Variants in MED12L observed in about 807,000 individuals in gnomAD.
The protein encoded by MED12L is mediator complex subunit 12L, also known as mediator of RNA polymerase II transcription subunit 12-like protein.
Under a neutral mutation model 281.3 loss-of-function variants are expected in MED12L, and 60 were observed. The observed-to-expected ratio is 0.21, with a 90% CI of 0.17 to 0.26. The LOEUF is 0.26. MED12L is among the 10% of genes least tolerant of loss of function. MED12L has a pLI of 1.00. For missense variants in MED12L, 2,146 were observed against 2,680.9 expected, an observed-to-expected ratio of 0.80 and a Z score of 4.41; for synonymous variants, 974 against 987.2, an observed-to-expected ratio of 0.99 and a Z score of 0.25.
intron 16 of MED12L, among the ~76,000 whole-genome samples, chr3:151,309,905 T>C (rs1165443680): frequency 6.6e-6 from 1 of 151,816 alleles, no homozygotes; most frequent in African/African-American, 2.4e-5. Flanking sequence ...TTTTTAACAA[T>C]TTTTTTTTCT....
At chr3:151,258,889 A>G (rs931100866) in intron 16 of MED12L, among the ~76,000 whole-genome samples, 1 of 150,736 alleles carries the variant, frequency 6.6e-6, no homozygotes, top group Non-Finnish European at 1.5e-5. Context: ...TCCCTACTCT[A>G]AGGTAGAGGA....
intron 16 of MED12L, among the ~76,000 whole-genome samples, chr3:151,301,602 A>C (rs1248561929): frequency 6.6e-6 from 1 of 152,268 alleles, no homozygotes; most frequent in African/African-American, 2.4e-5. Flanking sequence ...AATTTAAAAA[A>C]GGTCAAAAGA....
intron 16 of MED12L, chr3:151,213,214 T>G (rs1727470653): frequency 1.0e-6 from 1 of 1,001,800 alleles, no homozygotes. Context: ...ATATTTATGA[T>G]GAGGGCACAT....
rs986364086 is a variant in MED12L, at chr3:151,393,506, AC to A, written c.5609-1143del. On this transcript the variant is annotated intron_variant, in intron 38 of 44. Coordinates refer to ENST00000687756, the MANE Select transcript of MED12L (RefSeq NM_001393769.1). ...TCTAGTTCTGTCCTGCTCCCCCACA[AC>A]CCCCCCTCCCACCGTAAAGATAAGC... Among the ~76,000 whole-genome samples, 4 of 143,428 alleles carry A rather than the reference AC, an allele frequency of 2.8e-5. No individual in the cohort carries two copies. In the South Asian group the frequency reaches 1.0e-3, roughly 37 times the overall value. 94.1% of individuals were successfully genotyped at this position (143,428 alleles called of 152,430 possible). A position where few individuals can be genotyped will look rare whatever the true frequency, so the allele number is the denominator to read the frequency against.
intron 25 of MED12L, among the ~76,000 whole-genome samples, chr3:151,368,542 T>A (rs1254462358): frequency 1.3e-5 from 2 of 152,072 alleles, no homozygotes; most frequent in Admixed American, 1.3e-4. Context: ...ACGTACTGTG[T>A]GTGTTGGTTC....
At chr3:151,271,960 C>T (rs961068201) in intron 16 of MED12L, among the ~76,000 whole-genome samples, 2 of 152,164 alleles carry the variant, frequency 1.3e-5, no homozygotes, top group African/African-American at 4.8e-5. Context: ...GAACTCTACA[C>T]TTAAAATCTA....
intron 2 of MED12L, among the ~76,000 whole-genome samples, chr3:151,110,604 G>C (rs531372198): frequency 8.5e-5 from 13 of 152,254 alleles, no homozygotes; most frequent in Middle Eastern, 3.4e-3. Flanking sequence ...CTTTCACTTA[G>C]TTTCTCTAGG....
rs1478310991 is a variant in MED12L, at chr3:151,360,576, C to T, written c.2928C>T (p.His976=). The T allele has an allele frequency of 6.2e-7, 1 of 1,612,586 alleles. No homozygotes were observed. The highest frequency in any genetic ancestry group is 8.5e-7 in the Non-Finnish European group (1 of 1,179,048). Residue 976 remains histidine, a synonymous_variant, in exon 21 of 45, where the codon CAC becomes CAT. Transcript: ENST00000687756. The part of the protein sequence containing the change: ...YLYDLYVSCS[H]LRSKFGDLFS... ...ATGATCTCTATGTGTCATGTAGCCA[C>T]CTCAGAAGTAAATTTGGAGACCTCT...
intron 16 of MED12L, among the ~76,000 whole-genome samples, chr3:151,231,959 T>A (rs1487337557): frequency 6.6e-6 from 1 of 152,186 alleles, no homozygotes; most frequent in Non-Finnish European, 1.5e-5. Flanking sequence ...ATGGGCTTTT[T>A]TTGCTGATAT....
At chr3:151,355,658 A>G (rs888722224) in intron 18 of MED12L, among the ~76,000 whole-genome samples, 2 of 152,236 alleles carry the variant, frequency 1.3e-5, no homozygotes, top group African/African-American at 4.8e-5. Context: ...TTGTTCTACC[A>G]TTAGAATACT....
intron 23 of MED12L, among the ~76,000 whole-genome samples, chr3:151,366,506 G>A (rs940464819): frequency 6.6e-6 from 1 of 152,202 alleles, no homozygotes; most frequent in Admixed American, 6.5e-5. Context: ...ATGATGAAAA[G>A]ATACCCCTTG....
intron 16 of MED12L, among the ~76,000 whole-genome samples, chr3:151,236,414 T>G (rs1318194911): frequency 1.3e-5 from 2 of 152,240 alleles, no homozygotes; most frequent in Non-Finnish European, 2.9e-5. Context: ...ATTCTTGTTA[T>G]GCAGCATTCA....
intron 16 of MED12L, among the ~76,000 whole-genome samples, chr3:151,274,472 A>T (rs554292251): frequency 1.3e-5 from 2 of 152,198 alleles, no homozygotes; most frequent in African/African-American, 4.8e-5. Flanking sequence ...CCTTGTGCAG[A>T]AACATAGGTA....
intron 16 of MED12L, chr3:151,219,759 A>T (rs1728956722): frequency 6.6e-6 from 1 of 152,072 alleles, no homozygotes; most frequent in African/African-American, 2.4e-5. Flanking sequence ...ATATTTCAAC[A>T]TGTGCATTTG....
At chr3:151,279,087 A>G (rs1742386017) in intron 16 of MED12L, among the ~76,000 whole-genome samples, 2 of 152,166 alleles carry the variant, frequency 1.3e-5, no homozygotes, top group South Asian at 2.1e-4. Context: ...CCCATTGACT[A>G]TTAGTGCCAT....
chr3:151,087,041 G>T lies in MED12L; in HGVS notation c.99+16G>T. On this transcript the variant is annotated intron_variant, in intron 2 of 44. Coordinates refer to ENST00000687756, the MANE Select transcript of MED12L (RefSeq NM_001393769.1). ...GCAGAAGGAGGTAAGGGCGCCGGCG[G>T]CCTCCCCGGCAACCGGGGCCGCGCT... is the stretch of plus-strand genomic sequence containing the variant. 1.3e-6 allele frequency: 2 copies of T among 1,590,456 alleles called. No individual in the cohort carries two copies. Among genetic ancestry groups the T allele is most frequent in the Non-Finnish European group, 1.7e-6 (2 of 1,168,434 alleles).
At chr3:151,135,713 G>C (rs1055727663) in intron 5 of MED12L, among the ~76,000 whole-genome samples, 4 of 152,178 alleles carry the variant, frequency 2.6e-5, no homozygotes, top group Non-Finnish European at 5.9e-5. Flanking sequence ...AGCATCTCTA[G>C]GTGGAAAGAT....
intron 21 of MED12L, among the ~76,000 whole-genome samples, chr3:151,361,607 T>C (rs1754623214): frequency 6.6e-6 from 1 of 152,170 alleles, no homozygotes; most frequent in African/African-American, 2.4e-5. Context: ...AGTTGTATTT[T>C]TATAAATATT....
At chr3:151,359,969 A>T (rs1024464033) in intron 20 of MED12L, among the ~76,000 whole-genome samples, 1 of 152,186 alleles carries the variant, frequency 6.6e-6, no homozygotes, top group Admixed American at 6.5e-5. Context: ...ACTAGTTGGT[A>T]TACATAGGGG....
Sources: gnomAD v4.1 joint callset for allele counts (sites outside exome capture counted in the v4.1 genomes callset) on GRCh38, gnomAD v4.1.1 for gene constraint, MANE v1.5 for transcripts, NCBI Gene and HGNC (gene_info 2026-07-23, HGNC 2026-07-21) for gene names.